NELL1: variants seen among roughly 807,000 people sequenced by gnomAD.
NELL1 encodes the protein protein kinase C-binding protein NELL1.
Under a neutral mutation model 107.4 loss-of-function variants are expected in NELL1, and 76 were observed. That is an observed-to-expected ratio of 0.71 (90% CI 0.59 to 0.86). NELL1 has a LOEUF of 0.86. NELL1 is among the 40% of genes least tolerant of loss of function. NELL1 has a pLI of 0.00. For missense variants in NELL1, 1,024 were observed against 1,005.5 expected (o/e 1.02, Z -0.25); for synonymous variants, 353 against 341.2 (o/e 1.03, Z -0.38).
intron 4 of NELL1, among the ~76,000 whole-genome samples, chr11:20,850,581 G>A (rs1848777711): frequency 6.6e-6 from 1 of 152,170 alleles, no homozygotes; most frequent in South Asian, 2.1e-4. Flanking sequence ...TGACCTATGA[G>A]TGTCTGCATC....
intron 3 of NELL1, among the ~76,000 whole-genome samples, chr11:20,839,044 C>T (rs1019353639): frequency 1.4e-4 from 15 of 109,414 alleles, no homozygotes; most frequent in Admixed American, 1.2e-3. Context: ...TCCCCTTGTC[C>T]TGCTAAATTA....
In NELL1 at chr11:20,674,523, A is replaced by T. The variant is rs188336430; in HGVS notation, c.56-3409A>T. Reference sequence around the variant, plus strand: ...TGAAGCCACCCGTGTTATCGCTGATATGGAGAACTAGAGTTCTGAAGTCTC... The same window carrying T: ...TGAAGCCACCCGTGTTATCGCTGATTTGGAGAACTAGAGTTCTGAAGTCTC... On this transcript the variant is annotated intron_variant, in intron 1 of 19. Coordinates refer to ENST00000357134, the MANE Select transcript of NELL1 (RefSeq NM_006157.5). 138 of 1,536,122 alleles carry T rather than the reference A, an allele frequency of 9.0e-5. 1 individual carries two copies. The Admixed American group carries it at 2.6e-3, about 29-fold the overall frequency.
intron 8 of NELL1, 58 bp from the exon 9 acceptor site, chr11:20,928,319 C>A: frequency 6.9e-7 from 1 of 1,455,114 alleles, no homozygotes; most frequent in Non-Finnish European, 9.7e-7. Flanking sequence ...ATGATCTCCA[C>A]AACAGGAGCT....
chr11:21,182,565 G>T (rs1030614925), intron 13 of NELL1, among the ~76,000 whole-genome samples: 1 of 151,404 alleles, frequency 6.6e-6, no homozygotes. Flanking sequence ...ACATATTAAA[G>T]AACTTATAAT....
At chr11:20,961,054 C>T (rs1316546865) in intron 12 of NELL1, among the ~76,000 whole-genome samples, 4 of 152,096 alleles carry the variant, frequency 2.6e-5, no homozygotes, top group Non-Finnish European at 5.9e-5. Context: ...TGCCAATTCC[C>T]AATCTCTACT....
intron 12 of NELL1, among the ~76,000 whole-genome samples, chr11:21,079,209 A>G (rs1854209353): frequency 6.6e-6 from 1 of 152,074 alleles, no homozygotes; most frequent in South Asian, 2.1e-4. Context: ...CATCATATAG[A>G]CATCATAGAT....
chr11:21,439,913 A>G (rs1853234745), intron 15 of NELL1, among the ~76,000 whole-genome samples: 1 of 152,140 alleles, frequency 6.6e-6, no homozygotes. Flanking sequence ...ACCAACTAAT[A>G]AAATATTTAG....
chr11:20,901,009 A>G (rs559416401), intron 5 of NELL1, among the ~76,000 whole-genome samples: 2 of 152,114 alleles, frequency 1.3e-5, no homozygotes, highest in Non-Finnish European at 2.9e-5. Flanking sequence ...ACATACATCA[A>G]ATATCATACT....
chr11:21,528,485 G>A (rs1355424236), intron 15 of NELL1, among the ~76,000 whole-genome samples: 2 of 144,476 alleles, frequency 1.4e-5, no homozygotes, highest in African/African-American at 5.1e-5. Context: ...TTCCTCTCTT[G>A]CCATGTGATC....
intron 4 of NELL1, among the ~76,000 whole-genome samples, chr11:20,849,378 C>G (rs1471201537): frequency 1.3e-5 from 2 of 152,138 alleles, no homozygotes; most frequent in South Asian, 2.1e-4. Context: ...CTTCAGTGCT[C>G]AGTCTACATT....
intron 13 of NELL1, among the ~76,000 whole-genome samples, chr11:21,157,459 C>T (rs78884543): frequency 1.9e-3 from 291 of 152,268 alleles, no homozygotes; most frequent in African/African-American, 6.5e-3. Flanking sequence ...CCATCAGCTT[C>T]TATGCATTTT....
At chr11:21,180,752 G>A (rs972527356) in intron 13 of NELL1, among the ~76,000 whole-genome samples, 2 of 151,586 alleles carry the variant, frequency 1.3e-5, no homozygotes, top group African/African-American at 4.9e-5. Context: ...ACTGGGGCAA[G>A]GTTTAGGGGC....
intron 13 of NELL1, among the ~76,000 whole-genome samples, chr11:21,115,073 G>A (rs757783298): frequency 1.1e-4 from 17 of 152,056 alleles, no homozygotes; most frequent in African/African-American, 1.9e-4. Context: ...GACTTTGCTC[G>A]GATTTCCTCA....
chr11:21,448,614 T>C (rs554493175), intron 15 of NELL1, among the ~76,000 whole-genome samples: 17 of 152,340 alleles, frequency 1.1e-4, no homozygotes, highest in Admixed American at 7.8e-4. Context: ...GTTTACAATT[T>C]GATAAGTTTT....
intron 15 of NELL1, among the ~76,000 whole-genome samples, chr11:21,511,707 A>T (rs1365538736): frequency 6.6e-6 from 1 of 152,198 alleles, no homozygotes; most frequent in African/African-American, 2.4e-5. Context: ...ACACAGGTAG[A>T]TGCAAAGGCT....
At chr11:21,213,176 A>G (rs1393747750) in intron 13 of NELL1, among the ~76,000 whole-genome samples, 2 of 152,192 alleles carry the variant, frequency 1.3e-5, no homozygotes, top group Non-Finnish European at 2.9e-5. Context: ...AAACATTTAT[A>G]GGATCTGTAT....
intron 2 of NELL1, among the ~76,000 whole-genome samples, chr11:20,688,030 C>G (rs1288004050): frequency 6.9e-6 from 1 of 144,438 alleles, no homozygotes; most frequent in Non-Finnish European, 1.5e-5. Context: ...ACTAACCATA[C>G]AGATTTTTTT....
At chr11:21,351,483 G>GA (rs1344780023) in intron 14 of NELL1, among the ~76,000 whole-genome samples, 2 of 141,434 alleles carry the variant, frequency 1.4e-5, no homozygotes, top group East Asian at 4.1e-4. Context: ...ATTGCAGGCA[G>GA]AAAAAAGTAA....
At chr11:20,819,963 A>C (rs771802206) in intron 3 of NELL1, among the ~76,000 whole-genome samples, 17 of 152,310 alleles carry the variant, frequency 1.1e-4, no homozygotes, top group Admixed American at 2.0e-4. Context: ...TTTCAGGCAG[A>C]CTTCAGGAGG....
Sources: gnomAD v4.1 joint callset for allele counts (sites outside exome capture counted in the v4.1 genomes callset) on GRCh38, gnomAD v4.1.1 for gene constraint, MANE v1.5 for transcripts, NCBI Gene and HGNC (gene_info 2026-07-23, HGNC 2026-07-21) for gene names.